Variants in DYNC1H1 observed in about 807,000 individuals in gnomAD.
DYNC1H1 encodes the protein cytoplasmic dynein 1 heavy chain 1.
Under a neutral mutation model 527.1 loss-of-function variants are expected in DYNC1H1, and 51 were observed. That is an observed-to-expected ratio of 0.10 (90% CI 0.08 to 0.12). The LOEUF (loss-of-function observed/expected upper bound fraction) is 0.12. Ranked by LOEUF, DYNC1H1 falls within the 10% of genes least tolerant of loss-of-function variation. DYNC1H1 has a pLI of 1.00. For synonymous variants in DYNC1H1, 2,189 were observed against 2,278.8 expected, an observed-to-expected ratio of 0.96 and a Z score of 1.12; for missense variants, 2,771 against 5,971.8, an observed-to-expected ratio of 0.46 and a Z score of 17.66.
At chr14:101,970,470 GTTGTTTTTTTTTTTTT>G (rs1255040610) in intron 1 of DYNC1H1, among the ~76,000 whole-genome samples, 3 of 96,276 alleles carry the variant, frequency 3.1e-5, no homozygotes, top group Non-Finnish European at 6.0e-5. Flanking sequence ...TTGGTTTGTT[GTTGTTTTTTTTTTTTT>G]TTTTTTTTTT....
intron 1 of DYNC1H1, among the ~76,000 whole-genome samples, chr14:101,974,028 A>G (rs1454538782): frequency 1.3e-5 from 2 of 152,210 alleles, no homozygotes; most frequent in Non-Finnish European, 2.9e-5. Context: ...AAGAAAAATG[A>G]CTTTCTCAAG....
In DYNC1H1 at chr14:102,002,478, T is replaced by C; in HGVS notation, c.4543-59T>C. On this transcript the variant is annotated intron_variant, in intron 21 of 77. Transcript: ENST00000360184. This position sits in a 1 kb window ranked among gnomAD's most constrained non-coding sequence, Gnocchi z 4.4. Reference sequence around the variant, plus strand: ...TGATCTGCGCTTTTTCAGTGAGTTTTGGCATATCTGTGAGTAGAAGGGTCA... The same window carrying C: ...TGATCTGCGCTTTTTCAGTGAGTTTCGGCATATCTGTGAGTAGAAGGGTCA... 6.2e-7 allele frequency: 1 copy of C among 1,606,954 alleles called. No homozygotes were observed. Among genetic ancestry groups the C allele is most frequent in the Non-Finnish European group, 8.5e-7 (1 of 1,174,630 alleles).
intron 48 of DYNC1H1, chr14:102,028,803 T>C (rs572575865): frequency 6.1e-6 from 1 of 163,424 alleles, no homozygotes. Flanking sequence ...TCATAAATGT[T>C]TTAACCTTTA....
At position 102,032,292 on chromosome 14, in the gene DYNC1H1, C is replaced by T; in HGVS notation, c.9904C>T (p.Gln3302Ter). The T allele has an allele frequency of 6.2e-7, 1 of 1,614,076 alleles. No homozygotes were observed. Among genetic ancestry groups the T allele is most frequent in the Non-Finnish European group, 8.5e-7 (1 of 1,180,046 alleles). Residue 3302 changes from glutamine (Q) to a stop codon, truncating the protein, a stop_gained, in exon 52 of 78, where the codon CAG (glutamine) becomes TAG (stop). Transcript: ENST00000360184. LOFTEE classifies it high-confidence loss of function. ...CTCAGCTGTGAAGTCGATCAAGAAG[C>T]AGCACCTGGTGGAGGTGAGGTCCAT... is the stretch of plus-strand genomic sequence containing the variant. ...AQNAVKSIKKQHLVEVRSMAN... is the reference protein window; with the variant it reads ...AQNAVKSIKK
At position 102,041,689 on chromosome 14, in the gene DYNC1H1, C is replaced by G. The variant is rs201290175; in HGVS notation, c.12057C>G (p.Ser4019=). The change falls in exon 65 of 78, where the codon TCC becomes TCG. Residue 4019 remains serine, a synonymous_variant. Coordinates refer to ENST00000360184, the MANE Select transcript of DYNC1H1 (RefSeq NM_001376.5). This position sits in a 1 kb window ranked among gnomAD's most constrained non-coding sequence, Gnocchi z 4.5. Reference sequence around the variant, plus strand: ...CAAACCTTGGGGAGTCTTTCATGTCCATCATGGAGCAGCCGCTCGACCTGA... The same window carrying G: ...CAAACCTTGGGGAGTCTTTCATGTCGATCATGGAGCAGCCGCTCGACCTGA... ...VSTNLGESFM[S]IMEQPLDLTH... 4 of 1,614,084 alleles carry G rather than the reference C, an allele frequency of 2.5e-6. No homozygotes were observed. The highest frequency in any genetic ancestry group is 3.4e-6 in the Non-Finnish European group (4 of 1,180,048).
chr14:102,043,477 T>C, intron 69 of DYNC1H1: 1 of 329,962 alleles, frequency 3.0e-6, no homozygotes, highest in Non-Finnish European at 5.8e-6. Context: ...GGCAATCTCC[T>C]CTCCCCCAGC....
In DYNC1H1 at chr14:102,020,119, G is replaced by A. The variant is rs934631843; in HGVS notation, c.8507+63G>A. 6.3e-5 allele frequency: 100 copies of A among 1,591,718 alleles called. No individual in the cohort carries two copies. Among genetic ancestry groups the A allele is most frequent in the Non-Finnish European group, 8.4e-5 (98 of 1,168,308 alleles). ...CCTGCTCTGAGTTCTTACAGCTGTC[G>A]AAGCTGGGGTCTTTGCAGGGGTGGT... On this transcript the variant is annotated intron_variant, in intron 42 of 77. Transcript: ENST00000360184. This position sits in a 1 kb window ranked among gnomAD's most constrained non-coding sequence, Gnocchi z 4.3.
chr14:101,997,358 G>T lies in DYNC1H1; in HGVS notation c.3804+84G>T. ...CTTTCTTTCAAGCCTAAAAGGCCTT[G>T]CTGTGACTGAGCTTTCTAGTATTGA... is the stretch of plus-strand genomic sequence containing the variant. On this transcript the variant is annotated intron_variant, in intron 16 of 77. Coordinates refer to ENST00000360184, the MANE Select transcript of DYNC1H1 (RefSeq NM_001376.5). The surrounding 1 kb of genome is among the most constrained non-coding windows in gnomAD (Gnocchi z 4.8). 6.2e-7 allele frequency: 1 copy of T among 1,603,534 alleles called. No individual in the cohort carries two copies.
chr14:102,052,159 G>A lies in DYNC1H1; in HGVS notation c.*1596G>A, dbSNP rs1263011891. The stretch of plus-strand genomic sequence containing the variant: ...CACATGTTTTTCTTTTTAGAGACAG[G>A]GTCTCACTCGGTTGCCCAGGCTGGA... On this transcript the variant is annotated 3_prime_UTR_variant, in exon 78 of 78. Transcript: ENST00000360184. 2 of 151,458 alleles carry A rather than the reference G, an allele frequency of 1.3e-5. No individual in the cohort carries two copies. Among genetic ancestry groups the A allele is most frequent in the South Asian group, 2.1e-4 (1 of 4,808 alleles). 9.4% of individuals were successfully genotyped at this position (151,458 alleles called of 1,614,324 possible). A position where few individuals can be genotyped will look rare whatever the true frequency, so the allele number is the denominator to read the frequency against.
In DYNC1H1 at chr14:102,015,329, G is replaced by T. The variant is rs138407720; in HGVS notation, c.7239G>T (p.Leu2413=). 4,066 of 1,611,054 alleles carry T rather than the reference G, an allele frequency of 2.5e-3. 10 individuals are homozygous for T. Among genetic ancestry groups the T allele is most frequent in the Non-Finnish European group, 3.1e-3 (3,658 of 1,178,406 alleles). Residue 2413 remains leucine (L), a synonymous_variant, in exon 35 of 78, where the codon CTG becomes CTT. Coordinates refer to ENST00000360184, the MANE Select transcript of DYNC1H1 (RefSeq NM_001376.5). This position sits in a 1 kb window ranked among gnomAD's most constrained non-coding sequence, Gnocchi z 6.9. ...DEGEEAASPM[L]QIQRDAATIM... is the part of the protein sequence containing the mutation. ...GGGAGGAGGCCGCTTCCCCCATGCT[G>T]CAGGTACGCCCAGGTGGGACCCCAC...
intron 77 of DYNC1H1, 60 bp from the exon 78 acceptor site, chr14:102,050,375 C>T (rs1295225606): frequency 1.2e-6 from 2 of 1,613,702 alleles, no homozygotes; most frequent in African/African-American, 2.7e-5. Flanking sequence ...CTGTCCCGGG[C>T]AGTCTTCCAG....
rs901211629 is a variant in DYNC1H1, at chr14:102,053,675, C to T, written c.*3112C>T. The T allele has an allele frequency of 6.6e-6, 1 of 151,752 alleles. No individual in the cohort carries two copies. Among genetic ancestry groups the T allele is most frequent in the African/African-American group, 2.4e-5 (1 of 41,224 alleles). 9.4% of individuals were successfully genotyped at this position (151,752 alleles called of 1,614,324 possible). ...GTGTTAGCCAGGATGGTCTCGCTCT[C>T]CTGACCTCGTGATCCACCCGCCTCC... On this transcript the variant is annotated 3_prime_UTR_variant, in exon 78 of 78. Transcript: ENST00000360184.
At position 102,004,572 on chromosome 14, in the gene DYNC1H1, T is replaced by C; in HGVS notation, c.4938T>C (p.Asn1646=). Residue 1646 remains asparagine (N), a synonymous_variant, in exon 24 of 78, where the codon AAT becomes AAC. Transcript: ENST00000360184. ...DLLEIIGNSK[N]VAKLQKHFKK... Reference sequence around the variant, plus strand: ...TTGAAATCATTGGAAACAGCAAGAATGTCGCTAAATTACAGAAACACTTCA... The same window carrying C: ...TTGAAATCATTGGAAACAGCAAGAACGTCGCTAAATTACAGAAACACTTCA... The C allele has an allele frequency of 6.2e-7, 1 of 1,614,084 alleles. No homozygotes were observed. The highest frequency in any genetic ancestry group is 2.2e-5 in the East Asian group (1 of 44,876).
Position 102,016,646 on chromosome 14 carries a change from C to T in DYNC1H1, c.7615-120C>T. On this transcript the variant is annotated intron_variant, in intron 37 of 77. Transcript: ENST00000360184. The surrounding 1 kb of genome is among the most constrained non-coding windows in gnomAD (Gnocchi z 7.3). The stretch of plus-strand genomic sequence containing the variant: ...TAGTTCCATGTGTTAGCAAAGAGTG[C>T]AGATTAACCTGACCAATTACTTCCT... 1 of 1,533,402 alleles carries T rather than the reference C, an allele frequency of 6.5e-7. No individual in the cohort carries two copies. The highest frequency in any genetic ancestry group is 8.9e-7 in the Non-Finnish European group (1 of 1,120,326). The allele number at this position is 1,533,402 out of a possible 1,614,324, so 95.0% of individuals were successfully genotyped here. A position where few individuals can be genotyped will look rare whatever the true frequency, so the allele number is the denominator to read the frequency against.
chr14:102,009,972 T>G lies in DYNC1H1; in HGVS notation c.6107T>G (p.Phe2036Cys). ...SNLPDNLKKL[F>C]RSLAMTKPDR... ...CTTCCTGACAACTTGAAGAAGCTGT[T>G]CCGGAGCTTGGCCATGACCAAGCCC... is the stretch of plus-strand genomic sequence containing the variant. The change falls in exon 30 of 78, where the codon TTC (phenylalanine) becomes TGC (cysteine). Residue 2036 changes from phenylalanine (F) to cysteine (C), a missense_variant. By Grantham distance (205) the Phe-to-Cys change is radical. Coordinates refer to ENST00000360184, the MANE Select transcript of DYNC1H1 (RefSeq NM_001376.5). 6.2e-7 allele frequency: 1 copy of G among 1,614,142 alleles called. No homozygotes were observed. Among genetic ancestry groups the G allele is most frequent in the Non-Finnish European group, 8.5e-7 (1 of 1,180,026 alleles).
intron 42 of DYNC1H1, among the ~76,000 whole-genome samples, chr14:102,022,091 G>A (rs911862471): frequency 4.0e-5 from 6 of 151,896 alleles, no homozygotes; most frequent in African/African-American, 1.2e-4. Context: ...AGCCAAGATC[G>A]CGCCACTGCA....
rs2048258909 is a variant in DYNC1H1, at chr14:102,011,580, A to C, written c.6619-295A>C. 1.2e-5 allele frequency: 5 copies of C among 419,338 alleles called. No individual in the cohort carries two copies. The highest frequency in any genetic ancestry group is 1.8e-5 in the Non-Finnish European group (4 of 222,990). The allele number at this position is 419,338 out of a possible 1,614,324, so 26.0% of individuals were successfully genotyped here. A position where few individuals can be genotyped will look rare whatever the true frequency, so the allele number is the denominator to read the frequency against. ...CATGTGACCTGTGTAACATCTCTCC[A>C]GCTGGGGAGTTTCAGTACTTGCCTT... is the stretch of plus-strand genomic sequence containing the variant. On this transcript the variant is annotated intron_variant, in intron 32 of 77. Transcript: ENST00000360184. The surrounding 1 kb of genome is among the most constrained non-coding windows in gnomAD (Gnocchi z 5.3).
intron 50 of DYNC1H1, 111 bp from the exon 51 acceptor site, chr14:102,030,051 A>AGAGAGAGGGAGGGAGG: frequency 6.4e-7 from 1 of 1,564,304 alleles, no homozygotes; most frequent in Non-Finnish European, 8.6e-7. Flanking sequence ...GGAGGGAGGG[A>AGAGAGAGGGAGGGAGG]GAGAGAGTGT....
intron 1 of DYNC1H1, among the ~76,000 whole-genome samples, chr14:101,968,021 G>T (rs1429524241): frequency 6.6e-6 from 1 of 152,164 alleles, no homozygotes; most frequent in Non-Finnish European, 1.5e-5. Flanking sequence ...CTTACAGCAT[G>T]GTGACAAAAT....
Sources: gnomAD v4.1 joint callset for allele counts (sites outside exome capture counted in the v4.1 genomes callset) on GRCh38, gnomAD v4.1.1 for gene constraint, Gnocchi (gnomAD v3.1) non-coding constraint, MANE v1.5 for transcripts, NCBI Gene and HGNC (gene_info 2026-07-23, HGNC 2026-07-21) for gene names.